Variants in SLC13A1 observed in about 807,000 individuals in gnomAD.
SLC13A1 encodes the protein solute carrier family 13 member 1, also known as Na(+)/sulfate cotransporter.
In SLC13A1, 65 loss-of-function variants were observed where a neutral mutation model predicts 70.0. The ratio of observed to expected loss-of-function variants is 0.93; its 90% CI spans 0.76 to 1.14. SLC13A1 has a LOEUF of 1.14. Among genes scored for constraint, SLC13A1 ranks in the 50% most tolerant of loss-of-function variants. The pLI is 0.00. For synonymous variants in SLC13A1, 275 were observed against 250.5 expected (o/e 1.10, Z -0.92); for missense variants, 726 against 717.8 (o/e 1.01, Z -0.13).
intron 7 of SLC13A1, among the ~76,000 whole-genome samples, chr7:123,143,677 A>G (rs547687012): frequency 1.5e-3 from 222 of 152,288 alleles, no homozygotes; most frequent in African/African-American, 4.9e-3. Context: ...ATGAAATTAA[A>G]AGGAGCTACT....
At chr7:123,149,708 G>T (rs1794489303) in intron 6 of SLC13A1, 2 of 434,514 alleles carry the variant, frequency 4.6e-6, no homozygotes, top group Non-Finnish European at 9.2e-6. Context: ...TACCATCCTG[G>T]TTATCAAGAA....
chr7:123,145,541 G>A (rs1431679241), intron 7 of SLC13A1, among the ~76,000 whole-genome samples: 1 of 152,182 alleles, frequency 6.6e-6, no homozygotes, highest in Non-Finnish European at 1.5e-5. Context: ...CCTTCTCTTG[G>A]AGAATTCATG....
chr7:123,171,676 T>G, intron 3 of SLC13A1, 92 bp downstream of exon 3: 1 of 1,284,764 alleles, frequency 7.8e-7, no homozygotes, highest in Non-Finnish European at 1.1e-6. Flanking sequence ...TACAAAGAAT[T>G]TCCTGGGCGT....
chr7:123,119,093 T>C lies in SLC13A1; in HGVS notation c.1500A>G (p.Ile500Met), dbSNP rs895738031. 3 of 1,611,642 alleles carry C rather than the reference T, an allele frequency of 1.9e-6. No individual in the cohort carries two copies. The highest frequency in any genetic ancestry group is 1.3e-5 in the African/African-American group (1 of 74,784). The stretch of plus-strand genomic sequence containing the variant: ...ATGAGATACTCACCAATGGAGATAA[T>C]ATTGGGAGAAAGAGTGTAATGGTAG... ...NPATITLFLP[I>M]LSPLAEAIHV... The change falls in exon 13 of 15, where the codon ATA becomes ATG. Residue 500 changes from isoleucine (I) to methionine (M), a missense_variant. Transcript: ENST00000194130.
intron 4 of SLC13A1, among the ~76,000 whole-genome samples, 197 bp downstream of exon 4, chr7:123,168,951 A>C (rs28364193): frequency 0.024 from 3,609 of 152,316 alleles, 54 homozygotes; most frequent in Non-Finnish European, 0.03. Flanking sequence ...TTTTGCAAGC[A>C]AATAGAAATG....
At chr7:123,193,475 A>T (rs1796066738) in intron 1 of SLC13A1, among the ~76,000 whole-genome samples, 1 of 152,204 alleles carries the variant, frequency 6.6e-6, no homozygotes, top group Admixed American at 6.5e-5. Context: ...TTTGTCCATC[A>T]TGGGTAGAGG....
intron 2 of SLC13A1, among the ~76,000 whole-genome samples, chr7:123,173,975 T>TTG (rs1554552557): frequency 2.0e-5 from 3 of 150,098 alleles, no homozygotes; most frequent in Non-Finnish European, 2.9e-5. Flanking sequence ...AAGCTGTTTT[T>TTG]TTTTTTTTTT....
At chr7:123,192,278 A>G (rs765125599) in intron 1 of SLC13A1, among the ~76,000 whole-genome samples, 1 of 152,178 alleles carries the variant, frequency 6.6e-6, no homozygotes, top group Non-Finnish European at 1.5e-5. Context: ...TCAAGTGCAC[A>G]GCTAGGGCAC....
chr7:123,171,624 T>C, intron 3 of SLC13A1, 144 bp downstream of exon 3: 1 of 837,366 alleles, frequency 1.2e-6, no homozygotes, highest in South Asian at 1.5e-5. Context: ...TTATATCACT[T>C]TCATATTTGC....
chr7:123,149,926 C>A (rs1794496486), intron 6 of SLC13A1, among the ~76,000 whole-genome samples: 1 of 152,110 alleles, frequency 6.6e-6, no homozygotes, highest in Non-Finnish European at 1.5e-5. Context: ...AAACTCCAAA[C>A]TCTCTTTCTT....
At position 123,115,207 on chromosome 7, in the gene SLC13A1, C is replaced by A; in HGVS notation, c.*311G>T. ...ATTGAACTCCAACTGTAAGATGAAA[C>A]AAATGCTCTAATCTCTTTGAAGGTC... is the stretch of plus-strand genomic sequence containing the variant. On this transcript the variant is annotated 3_prime_UTR_variant, in exon 15 of 15. Transcript: ENST00000194130. The A allele has an allele frequency of 5.5e-6, 1 of 180,508 alleles. No homozygotes were observed. Among genetic ancestry groups the A allele is most frequent in the Admixed American group, 6.1e-5 (1 of 16,278 alleles). The allele number at this position is 180,508 out of a possible 1,614,324, so 11.2% of individuals were successfully genotyped here.
intron 10 of SLC13A1, among the ~76,000 whole-genome samples, chr7:123,127,871 G>C (rs1032766639): frequency 5.7e-5 from 8 of 140,136 alleles, no homozygotes; most frequent in African/African-American, 8.2e-5. Context: ...TTTTTTGCTG[G>C]GGGATTTGAG....
At chr7:123,127,475 T>A (rs1342609610) in intron 10 of SLC13A1, among the ~76,000 whole-genome samples, 2 of 152,100 alleles carry the variant, frequency 1.3e-5, no homozygotes, top group Non-Finnish European at 2.9e-5. Flanking sequence ...GAAGTTGGAT[T>A]TTAAAAGGGG....
intron 6 of SLC13A1, among the ~76,000 whole-genome samples, chr7:123,163,202 G>A (rs1441772923): frequency 6.6e-6 from 1 of 152,068 alleles, no homozygotes; most frequent in Non-Finnish European, 1.5e-5. Context: ...AATGGAACCT[G>A]ACAAATATAT....
At chr7:123,158,258 T>C (rs1283018903) in intron 6 of SLC13A1, among the ~76,000 whole-genome samples, 1 of 151,840 alleles carries the variant, frequency 6.6e-6, no homozygotes, top group Non-Finnish European at 1.5e-5. Flanking sequence ...TTAATAAAAT[T>C]AGAGAAGCAA....
intron 8 of SLC13A1, among the ~76,000 whole-genome samples, chr7:123,132,414 C>T (rs988688359): frequency 1.3e-5 from 2 of 152,158 alleles, no homozygotes; most frequent in Non-Finnish European, 2.9e-5. Flanking sequence ...TCTTGTCACA[C>T]AGGTTGGAGT....
chr7:123,129,471 T>A lies in SLC13A1; in HGVS notation c.943A>T (p.Met315Leu). ...GTTTTGGTTTTGCCACATTTGAACATCTCCTTAAAACTGCAAAGAATAATT... is the reference window on the plus strand; with the variant it reads ...GTTTTGGTTTTGCCACATTTGAACAACTCCTTAAAACTGCAAAGAATAATT... The part of the protein sequence containing the change: ...WLFLGFNFKE[M>L]FKCGKTKTVQ... The change falls in exon 9 of 15, where the codon ATG (methionine) becomes TTG (leucine). Residue 315 changes from methionine (M) to leucine (L), a missense_variant. Physicochemically the swap from Met to Leu is conservative, Grantham distance 15. Coordinates refer to ENST00000194130, the MANE Select transcript of SLC13A1 (RefSeq NM_022444.4). 1 of 1,613,018 alleles carries A rather than the reference T, an allele frequency of 6.2e-7. No homozygotes were observed. Among genetic ancestry groups the A allele is most frequent in the Non-Finnish European group, 8.5e-7 (1 of 1,179,390 alleles).
Position 123,180,990 on chromosome 7 carries a change from T to C in SLC13A1, c.211A>G (p.Ile71Val), listed in dbSNP as rs2116615161. The stretch of plus-strand genomic sequence containing the variant: ...GGACTTACCTTCTTAGAAGGCATGA[T>C]CCCAAACATGGGTAACATTAAACTA... ...LPSLMLPMFG[I>V]MPSKKVASAY... The change falls in exon 2 of 15, where the codon ATC (isoleucine) becomes GTC (valine). Residue 71 changes from isoleucine (I) to valine (V), a missense_variant. Transcript: ENST00000194130. 1 of 1,612,182 alleles carries C rather than the reference T, an allele frequency of 6.2e-7. No individual in the cohort carries two copies. The highest frequency in any genetic ancestry group is 1.1e-5 in the South Asian group (1 of 90,968).
At chr7:123,168,800 A>C (rs1346649247) in intron 4 of SLC13A1, among the ~76,000 whole-genome samples, 1 of 152,190 alleles carries the variant, frequency 6.6e-6, no homozygotes, top group Non-Finnish European at 1.5e-5. Flanking sequence ...CTGTATCCAA[A>C]TAGAATGTAG....
Sources: allele counts gnomAD v4.1 joint callset (sites outside exome capture counted in the v4.1 genomes callset), GRCh38; gene constraint gnomAD v4.1.1; transcripts MANE v1.5; gene names NCBI Gene and HGNC (gene_info 2026-07-23, HGNC 2026-07-21).